RYR1: variants seen among roughly 807,000 people sequenced by gnomAD.
RYR1 encodes central core disease of muscle.
In RYR1, 342 loss-of-function variants were observed where a neutral mutation model predicts 583.5. That is an observed-to-expected ratio of 0.59 (90% confidence interval 0.54 to 0.64). The LOEUF (loss-of-function observed/expected upper bound fraction) is 0.64. Ranked by LOEUF, RYR1 falls within the 30% of genes least tolerant of loss-of-function variation. RYR1 has a pLI of 0.00. For missense variants in RYR1, 6,032 were observed against 6,917.2 expected, an observed-to-expected ratio of 0.87 and a Z score of 4.54; for synonymous variants, 2,791 against 2,822.5, an observed-to-expected ratio of 0.99 and a Z score of 0.35.
intron 73 of RYR1, 63 bp from the exon 74 acceptor site, chr19:38,528,243 C>T: frequency 1.4e-6 from 2 of 1,408,812 alleles, no homozygotes; most frequent in Admixed American, 3.4e-5. Context: ...GCAGTTTCAT[C>T]CAGGGCTGGG....
intron 78 of RYR1, among the ~76,000 whole-genome samples, chr19:38,533,844 A>G (rs1241165001): frequency 6.6e-6 from 1 of 151,824 alleles, no homozygotes; most frequent in Admixed American, 6.6e-5. Context: ...AGAAGTAGTG[A>G]TGAACATAAC....
chr19:38,507,570 GGGACTC>G (rs1388493762), intron 57 of RYR1, 136 bp from the exon 58 acceptor site: 5 of 710,864 alleles, frequency 7.0e-6, no homozygotes, highest in Admixed American at 4.0e-5. Flanking sequence ...TGGGGCATGG[GGGACTC>G]AGAGTGGAGC....
intron 13 of RYR1, among the ~76,000 whole-genome samples, chr19:38,453,353 G>A (rs548165916): frequency 2.6e-5 from 4 of 152,030 alleles, no homozygotes; most frequent in East Asian, 1.9e-4. Context: ...GGTGAGGCCT[G>A]GGGAGGTGAG....
chr19:38,464,310 G>A (rs141682850), intron 22 of RYR1, among the ~76,000 whole-genome samples: 372 of 92,784 alleles, frequency 4.0e-3, no homozygotes, highest in Middle Eastern at 0.015. Context: ...AAAAAAAAAA[G>A]AAGCAAACGG....
In RYR1 at chr19:38,524,078, C is replaced by T. The variant is rs913024336; in HGVS notation, c.10455+149C>T. 6.1e-6 allele frequency: 5 copies of T among 824,936 alleles called. No individual in the cohort carries two copies. The African/African-American group carries it at 8.7e-5, about 14-fold the overall frequency. 51.1% of individuals were successfully genotyped at this position (824,936 alleles called of 1,614,324 possible). A position where few individuals can be genotyped will look rare whatever the true frequency, so the allele number is the denominator to read the frequency against. ...GCCCCCACCCATCCTCCTTCCCTTCCCTTCCCTCCCCACCACCCCCATCCG... is the reference window on the plus strand; with the variant it reads ...GCCCCCACCCATCCTCCTTCCCTTCTCTTCCCTCCCCACCACCCCCATCCG... On this transcript the variant is annotated intron_variant, in intron 70 of 105. Coordinates refer to ENST00000359596, the MANE Select transcript of RYR1 (RefSeq NM_000540.3).
chr19:38,489,538 T>G (rs1969458742), intron 35 of RYR1, 95 bp downstream of exon 35: 19 of 1,404,796 alleles, frequency 1.4e-5, no homozygotes, highest in Non-Finnish European at 1.9e-5. Flanking sequence ...CCTCAGGCAG[T>G]GGGGAGCTGT....
rs200927402 is a variant in RYR1 at position 38,578,204 on chromosome 19, C to T, written c.14364C>T (p.Asn4788=). 8.7e-6 allele frequency: 14 copies of T among 1,613,282 alleles called. No individual in the cohort carries two copies. Among genetic ancestry groups the T allele is most frequent in the East Asian group, 2.2e-5 (1 of 44,854 alleles). ...IWKFGVIFTD[N]SFLYLGWYMV... ...AGTTCGGGGTCATCTTCACAGACAA[C>T]GTGAGCAGGGGCCCACAGACTGGGG... is the stretch of plus-strand genomic sequence containing the variant. Residue 4788 remains asparagine, a splice_region_variant and synonymous_variant, in exon 99 of 106, where the codon AAC becomes AAT. Coordinates refer to ENST00000359596, the MANE Select transcript of RYR1 (RefSeq NM_000540.3).
intron 12 of RYR1, 70 bp from the exon 13 acceptor site, chr19:38,452,749 G>A (rs1967143651): frequency 1.4e-5 from 20 of 1,407,174 alleles, no homozygotes; most frequent in Non-Finnish European, 1.8e-5. Flanking sequence ...TTGCGGGAGT[G>A]AGGTTGCGGC....
intron 9 of RYR1, 24 bp downstream of exon 9, chr19:38,446,792 G>C: frequency 6.2e-7 from 1 of 1,601,276 alleles, no homozygotes; most frequent in Non-Finnish European, 8.5e-7. Context: ...GATGGGGAGA[G>C]ACCAGGGAGA....
chr19:38,441,337 TA>T (rs1253580294), intron 2 of RYR1, among the ~76,000 whole-genome samples: 1 of 148,430 alleles, frequency 6.7e-6, no homozygotes, highest in East Asian at 2.0e-4. Flanking sequence ...TTTTTATTTT[TA>T]AAAGTTTTTC....
At chr19:38,443,192 A>G (rs1465693420) in intron 3 of RYR1, among the ~76,000 whole-genome samples, 3 of 152,134 alleles carry the variant, frequency 2.0e-5, no homozygotes, top group Non-Finnish European at 4.4e-5. Context: ...GTCAGAGCAG[A>G]GGGGCCAGAG....
Position 38,529,069 on chromosome 19 carries a change from T to G in RYR1, c.11141+12T>G, listed in dbSNP as rs1207181463. The G allele has an allele frequency of 6.2e-7, 1 of 1,612,942 alleles. No individual in the cohort carries two copies. Among genetic ancestry groups the G allele is most frequent in the African/African-American group, 1.3e-5 (1 of 74,914 alleles). On this transcript the variant is annotated intron_variant, in intron 76 of 105. Transcript: ENST00000359596. ...CTGACGGAAAAGAGGTGAAGACTCT[T>G]GCCAGGGCCCCAGAAATGCCCCCAA... is the stretch of plus-strand genomic sequence containing the variant.
At chr19:38,514,492 G>C (rs200793674) in intron 63 of RYR1, among the ~76,000 whole-genome samples, 1 of 151,864 alleles carries the variant, frequency 6.6e-6, no homozygotes, top group East Asian at 2.0e-4. Flanking sequence ...TGTTGCCCAG[G>C]CTGGTCTCGA....
At chr19:38,535,919 G>A (rs1417023848) in intron 81 of RYR1, 78 bp from the exon 82 acceptor site, 1 of 1,303,998 alleles carries the variant, frequency 7.7e-7, no homozygotes. Flanking sequence ...CTACCATGGT[G>A]GGGAGCTGCC....
intron 20 of RYR1, among the ~76,000 whole-genome samples, chr19:38,461,355 C>T (rs1381456677): frequency 2.0e-5 from 3 of 151,928 alleles, no homozygotes; most frequent in Non-Finnish European, 2.9e-5. Flanking sequence ...AGCTGGGAAC[C>T]TCGTTGTTTA....
chr19:38,535,558 A>G, intron 81 of RYR1, 166 bp downstream of exon 81: 17 of 690,386 alleles, frequency 2.5e-5, no homozygotes, highest in Non-Finnish European at 2.1e-5. Context: ...ATGTAGAACA[A>G]TAAGGGAGGC....
Position 38,515,056 on chromosome 19 carries a change from C to T in RYR1, c.9503C>T (p.Thr3168Met), listed in dbSNP as rs1374774941. ...GACGTCCAGGTCTCTTGCTACCGAA[C>T]GCTGTGCAGTATCTACTCCCTGGGA... The part of the protein sequence containing the change: ...LDDVQVSCYR[T>M]LCSIYSLGTT... Residue 3168 changes from threonine (T) to methionine (M), a missense_variant, in exon 64 of 106, where the codon ACG becomes ATG. Coordinates refer to ENST00000359596, the MANE Select transcript of RYR1 (RefSeq NM_000540.3). The T allele has an allele frequency of 2.5e-6, 4 of 1,613,310 alleles. No individual in the cohort carries two copies. The highest frequency in any genetic ancestry group is 2.2e-5 in the East Asian group (1 of 44,846).
In RYR1 at chr19:38,537,516, G is replaced by A. The variant is rs568926591; in HGVS notation, c.11609-364G>A. Among the ~76,000 whole-genome samples the A allele has an allele frequency of 2.6e-4, 39 of 152,208 alleles. No individual in the cohort carries two copies. The East Asian group carries it at 6.2e-3, about 24-fold the overall frequency. ...ACCCCCATAATCCATTAACCTCCAC[G>A]GTCTGAAGGGGGGCTGAGGGCATTA... On this transcript the variant is annotated intron_variant, in intron 83 of 105. Transcript: ENST00000359596.
intron 99 of RYR1, among the ~76,000 whole-genome samples, chr19:38,579,734 C>G (rs909803739): frequency 6.6e-6 from 1 of 152,126 alleles, no homozygotes; most frequent in South Asian, 2.1e-4. Context: ...CCACCACACC[C>G]GGCCCAGAAC....
Sources: gnomAD v4.1 joint callset for allele counts (sites outside exome capture counted in the v4.1 genomes callset) on GRCh38, gnomAD v4.1.1 for gene constraint, MANE v1.5 for transcripts, NCBI Gene and HGNC (gene_info 2026-07-23, HGNC 2026-07-21) for gene names.